The following ASB2 variants were observed in gnomAD, a reference collection of about 807,000 sequenced individuals.
The protein encoded by ASB2 is ankyrin repeat and SOCS box containing 2, also known as ankyrin repeat and SOCS box protein 2.
In ASB2, 58 loss-of-function variants were observed where a neutral mutation model predicts 62.4. The ratio of observed to expected loss-of-function variants is 0.93; its 90% CI spans 0.75 to 1.16. The LOEUF is 1.16. ASB2 is among the 50% of genes most tolerant of loss of function. ASB2 has a pLI of 0.00. For synonymous variants in ASB2, 386 were observed against 385.3 expected (o/e 1.00, Z -0.02); for missense variants, 928 against 887.9 (o/e 1.05, Z -0.57).
chr14:93,939,723 G>A lies in ASB2; in HGVS notation c.1053-51C>T, dbSNP rs546807117. 62 of 1,306,280 alleles carry A rather than the reference G, an allele frequency of 4.7e-5. No homozygotes were observed. The African/African-American group carries it at 7.0e-4, about 15-fold the overall frequency. 80.9% of individuals were successfully genotyped at this position (1,306,280 alleles called of 1,614,324 possible). ...GTGAGGGGAGGGTCGGGGTGTGGACGGGTAGGGCCGGCCCCGCCAGCAGGA... is the reference window on the plus strand; with the variant it reads ...GTGAGGGGAGGGTCGGGGTGTGGACAGGTAGGGCCGGCCCCGCCAGCAGGA... On this transcript the variant is annotated intron_variant, in intron 7 of 9. Transcript: ENST00000555019.
intron 6 of ASB2, among the ~76,000 whole-genome samples, chr14:93,949,684 G>A (rs962309478): frequency 1.2e-4 from 18 of 152,060 alleles, no homozygotes; most frequent in Non-Finnish European, 1.8e-4. Context: ...ATTTGGGTTG[G>A]AAAATGGACT....
chr14:93,942,392 C>A, intron 7 of ASB2: 1 of 427,506 alleles, frequency 2.3e-6, no homozygotes, highest in African/African-American at 2.0e-5. Flanking sequence ...CGGAGCAGAT[C>A]CAGCTCAGGG....
intron 7 of ASB2, among the ~76,000 whole-genome samples, chr14:93,945,480 T>C (rs1306317405): frequency 1.3e-5 from 2 of 152,222 alleles, no homozygotes; most frequent in African/African-American, 4.8e-5. Flanking sequence ...CTTTTTTCCA[T>C]TCTATATCCG....
chr14:93,969,772 G>C (rs1642779693), intron 1 of ASB2: 1 of 152,258 alleles, frequency 6.6e-6, no homozygotes, highest in Admixed American at 6.5e-5. Context: ...GCCTTCAGGA[G>C]TGCCTCTCCT....
At chr14:93,940,744 G>C (rs1009205169) in intron 7 of ASB2, among the ~76,000 whole-genome samples, 1 of 152,200 alleles carries the variant, frequency 6.6e-6, no homozygotes. Flanking sequence ...CACGAGCACT[G>C]ATCTCAGCAC....
intron 2 of ASB2, among the ~76,000 whole-genome samples, chr14:93,963,081 C>T (rs868843184): frequency 6.6e-6 from 1 of 152,240 alleles, no homozygotes; most frequent in Admixed American, 6.5e-5. Flanking sequence ...GCCCAGCCAG[C>T]CTGACAGAGA....
Position 93,953,493 on chromosome 14 carries a change from T to C in ASB2, c.493A>G (p.Ile165Val), listed in dbSNP as rs1262652156. ...KVLQRAYPGT[I>V]DQRTLQEETA... is the part of the protein sequence containing the mutation. ...TCCTCCTGCAGGGTGCGCTGGTCGA[T>C]GGTCCCTGGGTACGCTAGGGAGGGC... The change falls in exon 5 of 10, where the codon ATC becomes GTC. Residue 165 changes from isoleucine to valine, a missense_variant. Ile to Val is a conservative substitution (Grantham distance 29, BLOSUM62 3). Transcript: ENST00000555019. 4 of 1,596,390 alleles carry C rather than the reference T, an allele frequency of 2.5e-6. No individual in the cohort carries two copies. In the South Asian group the frequency reaches 3.3e-5, roughly 13 times the overall value.
chr14:93,937,412 C>T (rs1236632494), intron 9 of ASB2, among the ~76,000 whole-genome samples: 1 of 152,236 alleles, frequency 6.6e-6, no homozygotes, highest in East Asian at 1.9e-4. Flanking sequence ...CGGTACCCCT[C>T]AGGGAGCTGT....
At chr14:93,970,347 CTG>C (rs1889725424) in intron 1 of ASB2, among the ~76,000 whole-genome samples, 1 of 152,200 alleles carries the variant, frequency 6.6e-6, no homozygotes, top group African/African-American at 2.4e-5. Context: ...GCATCCTTGG[CTG>C]TGTTTGTGGA....
chr14:93,949,506 C>A (rs1268653479), intron 6 of ASB2, among the ~76,000 whole-genome samples: 1 of 152,242 alleles, frequency 6.6e-6, no homozygotes, highest in African/African-American at 2.4e-5. Context: ...AGCTGCTCAG[C>A]AAATGCCAGT....
At chr14:93,966,799 C>G (rs763687426) in intron 1 of ASB2, among the ~76,000 whole-genome samples, 3 of 152,110 alleles carry the variant, frequency 2.0e-5, no homozygotes, top group Non-Finnish European at 4.4e-5. Context: ...TCAATGAACT[C>G]AAAGCCTCAG....
intron 7 of ASB2, chr14:93,941,706 C>A (rs1427255356): frequency 2.2e-6 from 1 of 456,130 alleles, no homozygotes; most frequent in African/African-American, 2.0e-5. Context: ...AGAGGGGCTG[C>A]CCCGGGGCCG....
At position 93,954,302 on chromosome 14, in the gene ASB2, G is replaced by A; in HGVS notation, c.478+15C>T. 1.2e-6 allele frequency: 2 copies of A among 1,609,626 alleles called. No individual in the cohort carries two copies. Among genetic ancestry groups the A allele is most frequent in the Non-Finnish European group, 1.7e-6 (2 of 1,177,900 alleles). On this transcript the variant is annotated intron_variant, in intron 4 of 9. Coordinates refer to ENST00000555019, the MANE Select transcript of ASB2 (RefSeq NM_001202429.2). ...CCTTTCCCACCTCTTGCCACCGTCA[G>A]AGCCCAGCCCTCACCTCGCTGCAGG...
chr14:93,954,147 C>A, intron 4 of ASB2, 170 bp downstream of exon 4: 1 of 618,018 alleles, frequency 1.6e-6, no homozygotes, highest in East Asian at 2.8e-5. Flanking sequence ...GGGGTGGGGA[C>A]AACTCATTTC....
chr14:93,950,141 G>A (rs1315708419), intron 6 of ASB2, among the ~76,000 whole-genome samples: 2 of 152,168 alleles, frequency 1.3e-5, no homozygotes, highest in South Asian at 2.1e-4. Flanking sequence ...ATGGGGCTAC[G>A]GGGAAAGCTC....
At chr14:93,951,364 A>T in intron 5 of ASB2, 120 bp from the exon 6 acceptor site, 2 of 1,211,652 alleles carry the variant, frequency 1.7e-6, no homozygotes, top group Non-Finnish European at 2.3e-6. Flanking sequence ...CTGCATGTGT[A>T]TTAAGTTCCA....
rs143137525 is a variant in ASB2, at chr14:93,943,496, T to C, written c.1053-3824A>G. On this transcript the variant is annotated intron_variant, in intron 7 of 9. Transcript: ENST00000555019. ...CCGGTCTCTACTAAAATACAAAAAT[T>C]AGCCAGGCACAGTGGTGGACACCTG... is the stretch of plus-strand genomic sequence containing the variant. Among the ~76,000 whole-genome samples the C allele has an allele frequency of 4.1e-4, 62 of 152,244 alleles. No homozygotes were observed. The East Asian group carries it at 0.011, about 27-fold the overall frequency.
At chr14:93,976,064 C>A (rs567341559) in intron 1 of ASB2, among the ~76,000 whole-genome samples, 24 of 152,344 alleles carry the variant, frequency 1.6e-4, no homozygotes, top group Non-Finnish European at 2.9e-4. Context: ...ATCTGTGCGC[C>A]TGGCCTGAAA....
rs763507285 is a variant in ASB2, at chr14:93,953,392, C to T, written c.594G>A (p.Pro198=). The T allele has an allele frequency of 3.1e-6, 5 of 1,598,892 alleles. No homozygotes were observed. The highest frequency in any genetic ancestry group is 1.1e-5 in the South Asian group (1 of 90,338). Residue 198 remains proline, a synonymous_variant, in exon 5 of 10, where the codon CCG becomes CCA. Coordinates refer to ENST00000555019, the MANE Select transcript of ASB2 (RefSeq NM_001202429.2). ...TCTCTCGGGATTTGTTGGAGATGTC[C>T]GGCTCTGCCCCTGCTTGGAGCAGTG... is the stretch of plus-strand genomic sequence containing the variant. ...LLSLLQAGAE[P]DISNKSRETP...
Sources: gnomAD v4.1 joint callset for allele counts (sites outside exome capture counted in the v4.1 genomes callset) on GRCh38, gnomAD v4.1.1 for gene constraint, MANE v1.5 for transcripts, NCBI Gene and HGNC (gene_info 2026-07-23, HGNC 2026-07-21) for gene names.